The following MMP28 variants were observed in gnomAD, a reference collection of about 807,000 sequenced individuals.
MMP28 encodes matrix metalloproteinase-28.
MMP28 carries 55 observed loss-of-function variants against 60.5 expected under a neutral mutation model. That is an observed-to-expected ratio of 0.91 (90% confidence interval 0.73 to 1.14). The LOEUF is 1.14. MMP28 is among the 50% of genes most tolerant of loss of function. The pLI, the probability that MMP28 is intolerant of heterozygous loss-of-function variation, is 0.00. For synonymous variants in MMP28, 318 were observed against 312.5 expected (o/e 1.02, Z -0.18); for missense variants, 686 against 738.3 (o/e 0.93, Z 0.82).
chr17:35,776,166 G>A (rs1013150619), intron 3 of MMP28, among the ~76,000 whole-genome samples: 1 of 150,604 alleles, frequency 6.6e-6, no homozygotes, highest in African/African-American at 2.4e-5. Context: ...GAGCCACCGC[G>A]CCCAGGCTTT....
chr17:35,778,816 C>T (rs2086407603), intron 3 of MMP28, 72 bp downstream of exon 3: 1 of 1,613,116 alleles, frequency 6.2e-7, no homozygotes, highest in Non-Finnish European at 8.5e-7. Context: ...GTCCCAGGCT[C>T]AGCTGTTTTC....
At chr17:35,764,490 G>A, downstream of MMP28, 2 of 1,578,618 alleles carry the variant, frequency 1.3e-6, no homozygotes, top group Non-Finnish European at 8.6e-7. Flanking sequence ...GCGCCGCGGG[G>A]GCTGTGCTTG....
chr17:35,764,686 T>G, downstream of MMP28: 1 of 1,468,942 alleles, frequency 6.8e-7, no homozygotes, highest in Admixed American at 2.9e-5. Flanking sequence ...CGACCTTCTC[T>G]CTTGGAGCGC....
intron 1 of MMP28, among the ~76,000 whole-genome samples, chr17:35,790,790 C>T (rs1156415022): frequency 6.6e-6 from 1 of 152,064 alleles, no homozygotes; most frequent in Non-Finnish European, 1.5e-5. Flanking sequence ...GAGTTCGAAA[C>T]CAGCCTGGCC....
At chr17:35,764,243 C>T, downstream of MMP28, 5 of 1,541,500 alleles carry the variant, frequency 3.2e-6, no homozygotes, top group Non-Finnish European at 4.4e-6. Flanking sequence ...GCAGGTGGCG[C>T]TGCTGCGGCG....
intron 1 of MMP28, among the ~76,000 whole-genome samples, chr17:35,783,073 G>A (rs962729628): frequency 3.3e-5 from 5 of 152,090 alleles, no homozygotes; most frequent in African/African-American, 4.8e-5. Flanking sequence ...TGATCCCCCC[G>A]CCTCAGCCTC....
At chr17:35,771,240 G>A (rs2086126958) in intron 4 of MMP28, among the ~76,000 whole-genome samples, 1 of 152,050 alleles carries the variant, frequency 6.6e-6, no homozygotes, top group Non-Finnish European at 1.5e-5. Flanking sequence ...AGACCATCCT[G>A]GCTAACACGG....
At chr17:35,773,502 G>A in intron 3 of MMP28, 98 bp from the exon 4 acceptor site, 2 of 1,067,860 alleles carry the variant, frequency 1.9e-6, no homozygotes, top group Non-Finnish European at 2.7e-6. Context: ...CCCTCCCCCA[G>A]CAGCCCCTCG....
chr17:35,765,757 G>A (rs1701852755), downstream of MMP28: 1 of 755,208 alleles, frequency 1.3e-6, no homozygotes, highest in African/African-American at 1.9e-5. Context: ...CACACACACA[G>A]CTGCCTAGCC....
At chr17:35,783,261 C>T (rs905847853) in intron 1 of MMP28, among the ~76,000 whole-genome samples, 3 of 152,188 alleles carry the variant, frequency 2.0e-5, no homozygotes, top group Non-Finnish European at 4.4e-5. Context: ...TAGCATAGTG[C>T]CTGGTACAAA....
chr17:35,762,242 G>A (rs958701320), downstream of MMP28, among the ~76,000 whole-genome samples: 24 of 152,034 alleles, frequency 1.6e-4, no homozygotes, highest in Non-Finnish European at 3.4e-4. Flanking sequence ...CGCCTGCTTC[G>A]GCCTCCCAAA....
downstream of MMP28, among the ~76,000 whole-genome samples, chr17:35,761,474 C>T (rs182132539): frequency 2.4e-3 from 366 of 151,484 alleles, no homozygotes; most frequent in Non-Finnish European, 4.6e-3. Flanking sequence ...AGTACAGTGG[C>T]GTTGTCACAG....
At chr17:35,770,570 T>C (rs2086101365) in intron 4 of MMP28, among the ~76,000 whole-genome samples, 1 of 150,504 alleles carries the variant, frequency 6.6e-6, no homozygotes, top group African/African-American at 2.4e-5. Context: ...GGCCCACCAA[T>C]TTGGGTGCCA....
intron 2 of MMP28, chr17:35,756,548 G>T: frequency 2.3e-6 from 1 of 438,582 alleles, no homozygotes; most frequent in Non-Finnish European, 3.0e-6. Flanking sequence ...TTGGCTCATT[G>T]CAACCTCTGC....
At chr17:35,784,814 C>T (rs2086603475) in intron 1 of MMP28, among the ~76,000 whole-genome samples, 1 of 152,108 alleles carries the variant, frequency 6.6e-6, no homozygotes, top group Non-Finnish European at 1.5e-5. Flanking sequence ...CCATTCCTGC[C>T]CCACTTCAAG....
downstream of MMP28, chr17:35,764,127 A>G (rs1555602135): frequency 3.2e-6 from 5 of 1,549,740 alleles, no homozygotes; most frequent in South Asian, 6.0e-5. Flanking sequence ...CCGCTGGAGG[A>G]CAGCGCGACG....
rs2085989784 is a variant in MMP28 at position 35,767,768 on chromosome 17, A to G, written c.1152T>C (p.Asp384=). ...AGCCAGTACCTTTGAAGAAGTAGAA[A>G]TCTCCATCATTCAATGACACTGCCG... ...EAAAVSLNDG[D]FYFFKGGRCW... Residue 384 remains aspartate (D), a synonymous_variant, in exon 7 of 8, where the codon GAT becomes GAC. Transcript: ENST00000605424. 6.4e-7 allele frequency: 1 copy of G among 1,564,800 alleles called. No individual in the cohort carries two copies. The highest frequency in any genetic ancestry group is 8.7e-7 in the Non-Finnish European group (1 of 1,154,960).
chr17:35,756,717 C>G (rs1217360108), intron 2 of MMP28, among the ~76,000 whole-genome samples: 1 of 151,858 alleles, frequency 6.6e-6, no homozygotes, highest in Non-Finnish European at 1.5e-5. Flanking sequence ...ATTTGCCCAC[C>G]TTGGCCTCCC....
chr17:35,764,132 G>A, downstream of MMP28: 1 of 1,549,632 alleles, frequency 6.5e-7, no homozygotes, highest in Non-Finnish European at 8.7e-7. Flanking sequence ...GGAGGACAGC[G>A]CGACGGAGGG....
Sources: allele counts gnomAD v4.1 joint callset (sites outside exome capture counted in the v4.1 genomes callset), GRCh38; gene constraint gnomAD v4.1.1; transcripts MANE v1.5; gene names NCBI Gene and HGNC (gene_info 2026-07-23, HGNC 2026-07-21).